The following MALRD1 variants were observed in gnomAD, a reference collection of about 807,000 sequenced individuals.
The protein encoded by MALRD1 is MAM and LDL-receptor class A domain-containing protein 1.
Under a neutral mutation model 242.1 loss-of-function variants are expected in MALRD1, and 247 were observed. The ratio of observed to expected loss-of-function variants is 1.02; its 90% CI spans 0.92 to 1.13. The LOEUF (loss-of-function observed/expected upper bound fraction) is 1.13, where lower values mean the gene tolerates loss of function less well. Ranked by LOEUF, MALRD1 falls within the 50% of genes most tolerant of loss-of-function variation. The pLI, the probability that MALRD1 is intolerant of heterozygous loss-of-function variation, is 0.00. For synonymous variants in MALRD1, 995 were observed against 866.6 expected (o/e 1.15, Z -2.60); for missense variants, 2,989 against 2,533.1 (o/e 1.18, Z -3.86).
rs574038615 is a variant in MALRD1, at chr10:19,349,147, G to A, written c.4149+1129G>A. ...AGCTAATTTCTGTATTTTTAGTAGC[G>A]ATGAGGTTTCACTATGTTGCCCAGG... On this transcript the variant is annotated intron_variant, in intron 25 of 39. Transcript: ENST00000454679. 4.6e-5 allele frequency among the ~76,000 whole-genome samples: 7 copies of A among 152,168 alleles called. No individual in the cohort carries two copies. In the South Asian group the frequency reaches 1.0e-3, roughly 23 times the overall value.
chr10:19,573,287 C>T (rs927259107), intron 33 of MALRD1, among the ~76,000 whole-genome samples: 31 of 152,140 alleles, frequency 2.0e-4, no homozygotes, highest in African/African-American at 7.0e-4. Flanking sequence ...ATGGCCCTCT[C>T]CTAGGAGGGA....
chr10:19,284,505 G>C (rs1042037688), intron 21 of MALRD1, among the ~76,000 whole-genome samples: 3 of 147,838 alleles, frequency 2.0e-5, no homozygotes, highest in Admixed American at 6.8e-5. Flanking sequence ...TGCGGTGTTT[G>C]GTTTTTTGTT....
intron 5 of MALRD1, among the ~76,000 whole-genome samples, chr10:19,113,898 A>G (rs1836780884): frequency 6.6e-6 from 1 of 152,110 alleles, no homozygotes; most frequent in Non-Finnish European, 1.5e-5. Flanking sequence ...GCCTTGAGGC[A>G]TAGTTCCTAC....
In MALRD1 at chr10:19,376,041, G is replaced by A. The variant is rs527261973; in HGVS notation, c.4442-11487G>A. On this transcript the variant is annotated intron_variant, in intron 26 of 39. Coordinates refer to ENST00000454679, the MANE Select transcript of MALRD1 (RefSeq NM_001142308.3). Reference sequence around the variant, plus strand: ...GGAGGCTGAGGCAGGGGAATTGGTTGAACCCAGGAGATGGAGGTTGCAGTG... The same window carrying A: ...GGAGGCTGAGGCAGGGGAATTGGTTAAACCCAGGAGATGGAGGTTGCAGTG... Among the ~76,000 whole-genome samples, 3 of 152,322 alleles carry A rather than the reference G, an allele frequency of 2.0e-5. No individual in the cohort carries two copies. In the South Asian group the frequency reaches 6.2e-4, roughly 32 times the overall value.
chr10:19,368,850 G>A (rs1845226810), intron 26 of MALRD1, among the ~76,000 whole-genome samples: 1 of 146,442 alleles, frequency 6.8e-6, no homozygotes, highest in Non-Finnish European at 1.5e-5. Context: ...CTTTTTGCTT[G>A]TGCTTTTTGG....
chr10:19,604,994 A>C (rs1251440165), intron 34 of MALRD1, among the ~76,000 whole-genome samples: 1 of 152,048 alleles, frequency 6.6e-6, no homozygotes, highest in African/African-American at 2.4e-5. Flanking sequence ...ATCTTATAAG[A>C]GTTTGAAGAT....
intron 38 of MALRD1, among the ~76,000 whole-genome samples, chr10:19,709,306 A>G (rs1422420554): frequency 1.3e-5 from 2 of 151,046 alleles, no homozygotes; most frequent in East Asian, 1.9e-4. Context: ...TGCACCAGCT[A>G]CTTGGGGGCC....
At chr10:19,280,880 CTT>C (rs1253301403) in intron 20 of MALRD1, among the ~76,000 whole-genome samples, 2 of 152,182 alleles carry the variant, frequency 1.3e-5, no homozygotes, top group Non-Finnish European at 2.9e-5. Context: ...AGGGTAAACA[CTT>C]TGAAATATCT....
rs1343775024 is a variant in MALRD1 at position 19,306,027 on chromosome 10, ATACT to A, written c.3420-17921_3420-17918del. ...TATTATACTATATATTATATATACT[ATACT>A]ATATATTATATAGTATACAATTTAT... On this transcript the variant is annotated intron_variant, in intron 21 of 39. Coordinates refer to ENST00000454679, the MANE Select transcript of MALRD1 (RefSeq NM_001142308.3). 6.3e-5 allele frequency among the ~76,000 whole-genome samples: 7 copies of A among 111,440 alleles called. No homozygotes were observed. In the East Asian group the frequency reaches 1.2e-3, roughly 19 times the overall value. 73.1% of individuals were successfully genotyped at this position (111,440 alleles called of 152,430 possible).
intron 35 of MALRD1, 25 bp downstream of exon 35, chr10:19,607,927 C>T: frequency 6.5e-7 from 1 of 1,548,042 alleles, no homozygotes; most frequent in Non-Finnish European, 8.7e-7. Context: ...TTCAGATATT[C>T]TTGTGATATG....
chr10:19,212,897 G>A (rs138732359), intron 18 of MALRD1, among the ~76,000 whole-genome samples: 4 of 150,100 alleles, frequency 2.7e-5, no homozygotes, highest in Admixed American at 1.3e-4. Context: ...TGAAATGTCT[G>A]TTCCAGTCTT....
intron 22 of MALRD1, among the ~76,000 whole-genome samples, chr10:19,325,650 T>C (rs1304405961): frequency 6.6e-6 from 1 of 152,160 alleles, no homozygotes; most frequent in Non-Finnish European, 1.5e-5. Flanking sequence ...CGGGAAGCCC[T>C]GTCTGAAATA....
At chr10:19,313,691 T>A (rs1400021153) in intron 21 of MALRD1, among the ~76,000 whole-genome samples, 1 of 151,688 alleles carries the variant, frequency 6.6e-6, no homozygotes, top group East Asian at 1.9e-4. Context: ...ACTCTTAGAG[T>A]CCTATTTGAA....
Position 19,259,720 on chromosome 10 carries a change from C to T in MALRD1, c.3079+1949C>T, listed in dbSNP as rs12241498. On this transcript the variant is annotated intron_variant, in intron 19 of 39. Coordinates refer to ENST00000454679, the MANE Select transcript of MALRD1 (RefSeq NM_001142308.3). ...GTTAGGGCTTTTCCATCTGCTTTCCCCTGTTCCTGGAACAGGTTTCCCACA... is the reference window on the plus strand; with the variant it reads ...GTTAGGGCTTTTCCATCTGCTTTCCTCTGTTCCTGGAACAGGTTTCCCACA... Among the ~76,000 whole-genome samples the T allele has an allele frequency of 2.7e-3, 417 of 152,202 alleles. 1 individual carries two copies. The highest frequency in any genetic ancestry group is 9.7e-3 in the African/African-American group (403 of 41,540).
At chr10:19,585,959 G>A (rs888132919) in intron 33 of MALRD1, among the ~76,000 whole-genome samples, 17 of 151,944 alleles carry the variant, frequency 1.1e-4, no homozygotes, top group Middle Eastern at 6.8e-3. Flanking sequence ...TTCCCTTCTC[G>A]CTTCATTTCA....
At chr10:19,370,217 A>G (rs1354162515) in intron 26 of MALRD1, among the ~76,000 whole-genome samples, 2 of 152,026 alleles carry the variant, frequency 1.3e-5, no homozygotes, top group Non-Finnish European at 2.9e-5. Context: ...TGTTTGCCTT[A>G]TTTTACTACC....
At chr10:19,416,489 A>C (rs1833517456) in intron 28 of MALRD1, among the ~76,000 whole-genome samples, 1 of 151,976 alleles carries the variant, frequency 6.6e-6, no homozygotes. Context: ...GTGAGTTCTA[A>C]CCCTTCTCAT....
intron 31 of MALRD1, among the ~76,000 whole-genome samples, chr10:19,522,032 C>A (rs1003266340): frequency 1.3e-5 from 2 of 152,128 alleles, no homozygotes; most frequent in Non-Finnish European, 2.9e-5. Flanking sequence ...TAAGGCCACT[C>A]ATTTACAACG....
intron 36 of MALRD1, among the ~76,000 whole-genome samples, chr10:19,625,163 G>A (rs1281439304): frequency 6.6e-6 from 1 of 151,994 alleles, no homozygotes; most frequent in African/African-American, 2.4e-5. Context: ...CTAGTTCTTT[G>A]GCCACGATCT....
Sources: allele counts gnomAD v4.1 joint callset (sites outside exome capture counted in the v4.1 genomes callset), GRCh38; gene constraint gnomAD v4.1.1; transcripts MANE v1.5; gene names NCBI Gene and HGNC (gene_info 2026-07-23, HGNC 2026-07-21).